The following TTN variants were observed in gnomAD, a reference collection of about 807,000 sequenced individuals.
The protein encoded by TTN is titin, also known as connectin.
Under a neutral mutation model 3,223.0 loss-of-function variants are expected in TTN, and 1,525 were observed. The observed-to-expected ratio is 0.47, with a 90% CI of 0.45 to 0.49. TTN has a LOEUF of 0.49. Ranked by LOEUF, TTN falls within the 20% of genes least tolerant of loss-of-function variation. The pLI is 0.00. For synonymous variants in TTN, 14,094 were observed against 15,161.0 expected, an observed-to-expected ratio of 0.93 and a Z score of 5.17; for missense variants, 40,786 against 43,424.0, an observed-to-expected ratio of 0.94 and a Z score of 5.40.
In TTN at chr2:178,701,510, T is replaced by C. The variant is rs2154289273; in HGVS notation, c.30598+18A>G. ...ATATTGCTGCTCCAAGCTCAGATGT[T>C]GAGGTTCTGGGTCTTACCTTCTGGT... On this transcript the variant is annotated intron_variant, in intron 110 of 362. Transcript: ENST00000589042. The C allele has an allele frequency of 6.2e-7, 1 of 1,606,734 alleles. No homozygotes were observed. The highest frequency in any genetic ancestry group is 2.2e-5 in the East Asian group (1 of 44,822).
Position 178,795,799 on chromosome 2 carries a change from G to C in TTN, c.915-547C>G, listed in dbSNP as rs191733672. 2.9e-3 allele frequency among the ~76,000 whole-genome samples: 449 copies of C among 152,254 alleles called. 5 individuals carry two copies. The highest frequency in any genetic ancestry group is 0.01 in the African/African-American group (419 of 41,542). ...GCCTTGTGAATTTCCAGGACAGGGG[G>C]ACACATCCTCAGGAAGCTTTCTGCA... is the stretch of plus-strand genomic sequence containing the variant. On this transcript the variant is annotated intron_variant, in intron 6 of 362. Coordinates refer to ENST00000589042, the MANE Select transcript of TTN (RefSeq NM_001267550.2).
At chr2:178,726,245 A>G (rs899263117) in intron 69 of TTN, 199 bp from the exon 70 acceptor site, 2 of 516,718 alleles carry the variant, frequency 3.9e-6, no homozygotes, top group Admixed American at 3.8e-5. Context: ...CAGAGAACCC[A>G]GATAGATCCT....
intron 223 of TTN, among the ~76,000 whole-genome samples, chr2:178,637,770 C>A (rs550249145): frequency 2.6e-5 from 4 of 152,088 alleles, no homozygotes; most frequent in South Asian, 2.1e-4. Context: ...TTATGTGAAC[C>A]AAGGAAATAA....
chr2:178,611,814 G>A lies in TTN; in HGVS notation c.50495C>T (p.Ala16832Val). The A allele has an allele frequency of 6.2e-7, 1 of 1,612,934 alleles. No individual in the cohort carries two copies. The highest frequency in any genetic ancestry group is 8.5e-7 in the Non-Finnish European group (1 of 1,179,284). ...VQFQVRAENE[A>V]GVGHPSEPTE... ...GGGTTCACTTGGGTGGCCAACTCCA[G>A]CTTCATTTTCAGCCCGAACCTGAAA... The change falls in exon 268 of 363, where the codon GCT becomes GTT. Residue 16832 changes from alanine (A) to valine (V), a missense_variant. Ala to Val is a moderately conservative substitution (Grantham distance 64). Transcript: ENST00000589042.
chr2:178,713,428 A>C, intron 92 of TTN, 56 bp from the exon 93 acceptor site: 2 of 1,457,634 alleles, frequency 1.4e-6, no homozygotes, highest in South Asian at 1.5e-5. Flanking sequence ...AAAGGACAAC[A>C]ATTATAAAAT....
In TTN at chr2:178,567,330, C is replaced by T. The variant is rs1023398113; in HGVS notation, c.78802G>A (p.Ala26268Thr). 4 of 1,604,554 alleles carry T rather than the reference C, an allele frequency of 2.5e-6. No individual in the cohort carries two copies. The highest frequency in any genetic ancestry group is 3.4e-6 in the Non-Finnish European group (4 of 1,176,554). Reference sequence around the variant, plus strand: ...GACTTAGAACCTGCAACATTGGAAGCTCTTAAAATATACTGCCCACCATCA... The same window carrying T: ...GACTTAGAACCTGCAACATTGGAAGTTCTTAAAATATACTGCCCACCATCA... Reference protein sequence around the residue: ...RIDGGQYILRASNVAGSKSFP... With the variant: ...RIDGGQYILRTSNVAGSKSFP... Residue 26268 changes from alanine (A) to threonine (T), a missense_variant, in exon 326 of 363, where the codon GCT (alanine) becomes ACT (threonine). By Grantham distance (58) the Ala-to-Thr change is moderately conservative. Coordinates refer to ENST00000589042, the MANE Select transcript of TTN (RefSeq NM_001267550.2).
rs1466718214 is a variant in TTN, at chr2:178,564,684, C to T, written c.81448G>A (p.Glu27150Lys). 2 of 1,613,454 alleles carry T rather than the reference C, an allele frequency of 1.2e-6. No individual in the cohort carries two copies. The highest frequency in any genetic ancestry group is 2.2e-5 in the South Asian group (2 of 91,060). ...GGCTTGCCAATGCCAACAATATTTTCAGCAGAAACTTTGAACTCATACTCA... is the reference window on the plus strand; with the variant it reads ...GGCTTGCCAATGCCAACAATATTTTTAGCAGAAACTTTGAACTCATACTCA... ...GLEYEFKVSA[E>K]NIVGIGKPSK... Residue 27150 changes from glutamate to lysine, a missense_variant, in exon 326 of 363, where the codon GAA becomes AAA. Physicochemically the swap from Glu to Lys is moderately conservative, Grantham distance 56. Transcript: ENST00000589042.
rs757230208 is a variant in TTN, at chr2:178,582,221, A to G, written c.66161-13T>C. 15 of 1,585,856 alleles carry G rather than the reference A, an allele frequency of 9.5e-6. No homozygotes were observed. In the South Asian group the frequency reaches 1.8e-4, roughly 19 times the overall value. On this transcript the variant is annotated splice_polypyrimidine_tract_variant and intron_variant, in intron 314 of 362. Transcript: ENST00000589042. Reference sequence around the variant, plus strand: ...CGTCCTGGTGGGTCTGCAGAAATTGATTGAAAAGTTAATTTCCCAGGCTAA... The same window carrying G: ...CGTCCTGGTGGGTCTGCAGAAATTGGTTGAAAAGTTAATTTCCCAGGCTAA...
intron 87 of TTN, 60 bp from the exon 88 acceptor site, chr2:178,717,442 G>T (rs1257203524): frequency 6.4e-7 from 1 of 1,563,972 alleles, no homozygotes; most frequent in Non-Finnish European, 8.7e-7. Context: ...ATACAGAGCA[G>T]AAACTAAATG....
chr2:178,650,367 CTT>C, intron 209 of TTN, 96 bp from the exon 210 acceptor site: 1 of 1,197,172 alleles, frequency 8.4e-7, no homozygotes, highest in Non-Finnish European at 1.2e-6. Flanking sequence ...TGATTTCTTC[CTT>C]TGTTTCAATT....
chr2:178,648,044 T>A (rs1467878615), intron 213 of TTN, among the ~76,000 whole-genome samples: 1 of 152,136 alleles, frequency 6.6e-6, no homozygotes. Flanking sequence ...GCCACGGATC[T>A]TGTCCAACTC....
Position 178,677,858 on chromosome 2 carries a change from G to T in TTN, c.34054C>A (p.Leu11352Ile). The change falls in exon 146 of 363, where the codon CTA becomes ATA. Residue 11352 changes from leucine to isoleucine, a missense_variant. By Grantham distance (5) the Leu-to-Ile change is conservative. Coordinates refer to ENST00000589042, the MANE Select transcript of TTN (RefSeq NM_001267550.2). Reference sequence around the variant, plus strand: ...TCAGGAACAATTTCTTCTTCAAATAGAACTTCCTCTTCCTGAGGTAGAGCT... The same window carrying T: ...TCAGGAACAATTTCTTCTTCAAATATAACTTCCTCTTCCTGAGGTAGAGCT... Reference protein sequence around the residue: ...PVALPQEEEVLFEEEIVPEEE... With the variant: ...PVALPQEEEVIFEEEIVPEEE... 1 of 1,612,412 alleles carries T rather than the reference G, an allele frequency of 6.2e-7. No homozygotes were observed. The highest frequency in any genetic ancestry group is 8.5e-7 in the Non-Finnish European group (1 of 1,179,164).
Position 178,599,833 on chromosome 2 carries a change from G to T in TTN, c.56068C>A (p.Leu18690Ile). 6.3e-7 allele frequency: 1 copy of T among 1,589,652 alleles called. No homozygotes were observed. Among genetic ancestry groups the T allele is most frequent in the Non-Finnish European group, 8.5e-7 (1 of 1,169,638 alleles). The change falls in exon 289 of 363, where the codon CTA becomes ATA. Residue 18690 changes from leucine (L) to isoleucine (I), a missense_variant. Leu to Ile is a conservative substitution (Grantham distance 5). Coordinates refer to ENST00000589042, the MANE Select transcript of TTN (RefSeq NM_001267550.2). ...KDQTCPPSID[L>I]KEFMEVEEGT... ...TCTTCAACCTCCATGAATTCTTTTA[G>T]ATCAATTGATGGTGGGCCTAGATTA...
chr2:178,581,515 A>G lies in TTN; in HGVS notation c.66753T>C (p.Tyr22251=). 1.2e-6 allele frequency: 2 copies of G among 1,600,778 alleles called. No individual in the cohort carries two copies. The highest frequency in any genetic ancestry group is 1.7e-6 in the Non-Finnish European group (2 of 1,171,352). The part of the protein sequence containing the change: ...SDPSDVPDKH[Y]PKDILIPPEG... Reference sequence around the variant, plus strand: ...AATACTTACTTAAGATGTCCTTGGGATAGTGTTTATCTGGCACATCACTGG... The same window carrying G: ...AATACTTACTTAAGATGTCCTTGGGGTAGTGTTTATCTGGCACATCACTGG... Residue 22251 remains tyrosine, a synonymous_variant, in exon 316 of 363, where the codon TAT becomes TAC. Transcript: ENST00000589042.
At position 178,766,604 on chromosome 2, in the gene TTN, C is replaced by A; in HGVS notation, c.9480G>T (p.Glu3160Asp). Residue 3160 changes from glutamate to aspartate, a missense_variant, in exon 41 of 363, where the codon GAG (glutamate) becomes GAT (aspartate). Glu to Asp is a conservative substitution (Grantham distance 45). Coordinates refer to ENST00000589042, the MANE Select transcript of TTN (RefSeq NM_001267550.2). Reference protein sequence around the residue: ...RSIKKEVQVIEKQRAVVEFEV... With the variant: ...RSIKKEVQVIDKQRAVVEFEV... ...CAAATTCAACAACAGCACGCTGTTT[C>A]TCAATGACCTGTTGATGGAACAACA... 6.2e-7 allele frequency: 1 copy of A among 1,612,288 alleles called. No homozygotes were observed. The highest frequency in any genetic ancestry group is 2.2e-5 in the East Asian group (1 of 44,806).
At position 178,620,411 on chromosome 2, in the gene TTN, T is replaced by C; in HGVS notation, c.46110A>G (p.Glu15370=). The C allele has an allele frequency of 6.2e-7, 1 of 1,612,308 alleles. No individual in the cohort carries two copies. The highest frequency in any genetic ancestry group is 1.3e-5 in the African/African-American group (1 of 74,906). ...TATCTTGTCCAGCAGTGACAATGTA[T>C]TCACCTTCATCTGGGAAGCCACAGT... ...IKDCGFPDEG[E]YIVTAGQDKS... is the part of the protein sequence containing the mutation. The change falls in exon 248 of 363, where the codon GAA becomes GAG. Residue 15370 remains glutamate (E), a synonymous_variant. Coordinates refer to ENST00000589042, the MANE Select transcript of TTN (RefSeq NM_001267550.2).
Position 178,739,285 on chromosome 2 carries a change from A to G in TTN, c.13948T>C (p.Phe4650Leu), listed in dbSNP as rs2082065436. 6.2e-7 allele frequency: 1 copy of G among 1,612,820 alleles called. No individual in the cohort carries two copies. The highest frequency in any genetic ancestry group is 8.5e-7 in the Non-Finnish European group (1 of 1,179,140). Residue 4650 changes from phenylalanine to leucine, a missense_variant, in exon 48 of 363, where the codon TTC becomes CTC. Transcript: ENST00000589042. Reference protein sequence around the residue: ...ENKLVPSDEKFKCLQDQNTYT... With the variant: ...ENKLVPSDEKLKCLQDQNTYT... ...GTATTTTGATCTTGTAAACACTTGAACTTTTCATCTGAAGGCACCAGTTTA... is the reference window on the plus strand; with the variant it reads ...GTATTTTGATCTTGTAAACACTTGAGCTTTTCATCTGAAGGCACCAGTTTA...
At chr2:178,694,492 T>C (rs1433337363) in intron 117 of TTN, 107 bp downstream of exon 117, 4 of 684,710 alleles carry the variant, frequency 5.8e-6, no homozygotes, top group Non-Finnish European at 9.4e-6. Flanking sequence ...AAATGTGCTG[T>C]TTTTGGTCGT....
chr2:178,757,178 A>AAGTACAGTAAGTAATACTTTACTTG (rs1561093680), intron 45 of TTN, among the ~76,000 whole-genome samples: 1 of 90,554 alleles, frequency 1.1e-5, no homozygotes, highest in Non-Finnish European at 2.3e-5. Flanking sequence ...TACTGTACTT[A>AAGTACAGTAAGTAATACTTTACTTG]CTTTAAGTAC....
Sources: allele counts gnomAD v4.1 joint callset (sites outside exome capture counted in the v4.1 genomes callset), GRCh38; gene constraint gnomAD v4.1.1; transcripts MANE v1.5; gene names NCBI Gene and HGNC (gene_info 2026-07-23, HGNC 2026-07-21).